SMYD3: variants seen among roughly 807,000 people sequenced by gnomAD.
The protein encoded by SMYD3 is SET and MYND domain containing 3, also known as histone-lysine N-methyltransferase SMYD3.
Under a neutral mutation model 57.7 loss-of-function variants are expected in SMYD3, and 36 were observed. The ratio of observed to expected loss-of-function variants is 0.62; its 90% CI spans 0.48 to 0.82. The LOEUF is 0.82. Ranked by LOEUF, SMYD3 falls within the 40% of genes least tolerant of loss-of-function variation. The pLI, the probability that SMYD3 is intolerant of heterozygous loss-of-function variation, is 0.00. For synonymous variants in SMYD3, 211 were observed against 195.0 expected (o/e 1.08, Z -0.68); for missense variants, 515 against 538.8 (o/e 0.96, Z 0.44).
intron 2 of SMYD3, among the ~76,000 whole-genome samples, chr1:246,348,844 A>G (rs1272677969): frequency 6.6e-6 from 1 of 152,204 alleles, no homozygotes; most frequent in Non-Finnish European, 1.5e-5. Flanking sequence ...CTATTATAGC[A>G]GCACAAAACA....
intron 1 of SMYD3, among the ~76,000 whole-genome samples, chr1:246,356,652 G>T (rs2065913539): frequency 6.6e-6 from 1 of 152,052 alleles, no homozygotes; most frequent in East Asian, 1.9e-4. Flanking sequence ...AAATGCACTG[G>T]AAAGTCTCAG....
intron 5 of SMYD3, among the ~76,000 whole-genome samples, chr1:245,998,382 T>C (rs1441379834): frequency 6.6e-6 from 1 of 152,236 alleles, no homozygotes; most frequent in Admixed American, 6.5e-5. Flanking sequence ...GTGACCTGAC[T>C]AGGGACTCAT....
intron 8 of SMYD3, among the ~76,000 whole-genome samples, chr1:245,879,610 TTCA>T (rs1219569002): frequency 6.6e-6 from 1 of 152,208 alleles, no homozygotes; most frequent in Admixed American, 6.5e-5. Flanking sequence ...GAAGTTATTC[TTCA>T]TCAGGAGAGA....
chr1:245,762,244 T>C (rs992699596), intron 11 of SMYD3, among the ~76,000 whole-genome samples: 3 of 152,200 alleles, frequency 2.0e-5, no homozygotes, highest in Admixed American at 6.5e-5. Context: ...GCCTGTCCCA[T>C]TGACCTCACA....
At position 246,271,841 on chromosome 1, in the gene SMYD3, C is replaced by T. The variant is rs1161823264; in HGVS notation, c.531+55360G>A. ...CCTTTTCTGCAAAAAAACATCATTG[C>T]GATTTTGATAGGGAACGCATTGAAT... On this transcript the variant is annotated intron_variant, in intron 5 of 11. Transcript: ENST00000490107. 3.3e-5 allele frequency among the ~76,000 whole-genome samples: 5 copies of T among 152,096 alleles called. No homozygotes were observed. In the East Asian group the frequency reaches 5.8e-4, roughly 18 times the overall value.
rs560397636 is a variant in SMYD3, at chr1:246,481,560, T to G, written c.164+25494A>C. Among the ~76,000 whole-genome samples the G allele has an allele frequency of 5.5e-5, 6 of 109,872 alleles. No individual in the cohort carries two copies. The South Asian group carries it at 1.9e-3, about 35-fold the overall frequency. 72.1% of individuals were successfully genotyped at this position (109,872 alleles called of 152,430 possible). ...ACTCCACTTTCCTGGGTCTCTAACTTGCAGAGAACGGATCATGGGACTTCT... is the reference window on the plus strand; with the variant it reads ...ACTCCACTTTCCTGGGTCTCTAACTGGCAGAGAACGGATCATGGGACTTCT... On this transcript the variant is annotated intron_variant, in intron 1 of 11. Transcript: ENST00000490107.
At chr1:246,449,162 G>A (rs1330210586) in intron 1 of SMYD3, among the ~76,000 whole-genome samples, 1 of 152,104 alleles carries the variant, frequency 6.6e-6, no homozygotes, top group Non-Finnish European at 1.5e-5. Flanking sequence ...AGCCTGGGAG[G>A]TCGAGACTGC....
intron 1 of SMYD3, among the ~76,000 whole-genome samples, chr1:246,409,101 A>G (rs1372029202): frequency 3.3e-5 from 5 of 152,116 alleles, no homozygotes; most frequent in Admixed American, 2.0e-4. Context: ...AGTAGGTTGC[A>G]AAAATTTTCT....
At chr1:246,501,866 C>T (rs1572063151) in intron 1 of SMYD3, among the ~76,000 whole-genome samples, 1 of 152,232 alleles carries the variant, frequency 6.6e-6, no homozygotes, top group Non-Finnish European at 1.5e-5. Context: ...ATTTATGCTT[C>T]TCTCCTAGAA....
Position 246,456,655 on chromosome 1 carries a change from A to G in SMYD3, c.164+50399T>C, listed in dbSNP as rs1008663302. On this transcript the variant is annotated intron_variant, in intron 1 of 11. Coordinates refer to ENST00000490107, the MANE Select transcript of SMYD3 (RefSeq NM_001167740.2). The stretch of plus-strand genomic sequence containing the variant: ...ATTTATTATAACTTATATTTTCCCC[A>G]TAAGACTGTTTCTTTGTCCTGCTTT... Among the ~76,000 whole-genome samples the G allele has an allele frequency of 3.9e-5, 6 of 152,220 alleles. No homozygotes were observed. In the East Asian group the frequency reaches 1.2e-3, roughly 29 times the overall value.
At chr1:246,158,573 T>A (rs975201912) in intron 5 of SMYD3, among the ~76,000 whole-genome samples, 4 of 152,240 alleles carry the variant, frequency 2.6e-5, no homozygotes, top group Non-Finnish European at 4.4e-5. Flanking sequence ...TACTCTTTTT[T>A]ATAAAACTAT....
chr1:246,425,236 CA>C (rs1410057503), intron 1 of SMYD3, among the ~76,000 whole-genome samples: 3 of 152,112 alleles, frequency 2.0e-5, no homozygotes, highest in Admixed American at 6.5e-5. Flanking sequence ...ACTTTTTCAA[CA>C]CACACCAGAA....
chr1:245,757,610 TAAGA>T lies in SMYD3; in HGVS notation c.1185+6427_1185+6430del, dbSNP rs369568199. On this transcript the variant is annotated intron_variant, in intron 11 of 11. Coordinates refer to ENST00000490107, the MANE Select transcript of SMYD3 (RefSeq NM_001167740.2). ...CATTTTGAGTTACTTTATATGGTGTTAAGAAAGGGTCTAACTTTATTCTTTTGCA... is the reference window on the plus strand; with the variant it reads ...CATTTTGAGTTACTTTATATGGTGTTAAGGGTCTAACTTTATTCTTTTGCA... 1.8e-4 allele frequency among the ~76,000 whole-genome samples: 28 copies of T among 152,266 alleles called. No individual in the cohort carries two copies. In the East Asian group the frequency reaches 4.0e-3, roughly 22 times the overall value.
rs114677027 is a variant in SMYD3 at position 245,966,615 on chromosome 1, G to T, written c.532-36678C>A. Among the ~76,000 whole-genome samples, 902 of 152,298 alleles carry T rather than the reference G, an allele frequency of 5.9e-3. 15 individuals are homozygous for T. Among genetic ancestry groups the T allele is most frequent in the African/African-American group, 0.02 (842 of 41,564 alleles). The stretch of plus-strand genomic sequence containing the variant: ...TTCCTTCTAATCTTTTCTACAGGCT[G>T]ATTTTTAAAAACATTACTTAATTCA... On this transcript the variant is annotated intron_variant, in intron 5 of 11. Transcript: ENST00000490107.
chr1:246,030,011 T>C (rs536850207), intron 5 of SMYD3, among the ~76,000 whole-genome samples: 10,867 of 149,960 alleles, frequency 0.072, 1,324 homozygotes, highest in African/African-American at 0.25. Context: ...TCTTTCTTTT[T>C]TTTTTTTTTT....
intron 11 of SMYD3, among the ~76,000 whole-genome samples, chr1:245,753,921 T>C (rs2045504156): frequency 6.6e-6 from 1 of 152,222 alleles, no homozygotes; most frequent in Non-Finnish European, 1.5e-5. Flanking sequence ...AGGCTGGTGT[T>C]GGGAAAAGCT....
At chr1:245,904,680 C>A (rs2054432894) in intron 8 of SMYD3, among the ~76,000 whole-genome samples, 1 of 152,122 alleles carries the variant, frequency 6.6e-6, no homozygotes. Context: ...ACGACTGCAA[C>A]TCGTAGGCAA....
Position 246,277,811 on chromosome 1 carries a change from A to G in SMYD3, c.531+49390T>C, listed in dbSNP as rs2064364604. Among the ~76,000 whole-genome samples the G allele has an allele frequency of 2.0e-5, 3 of 152,192 alleles. No individual in the cohort carries two copies. In the South Asian group the frequency reaches 6.2e-4, roughly 31 times the overall value. On this transcript the variant is annotated intron_variant, in intron 5 of 11. Transcript: ENST00000490107. The stretch of plus-strand genomic sequence containing the variant: ...CAGTTCCATTTCTTCAAAATTCAAA[A>G]CAGACAAAAGTCATCTATAGATACA...
chr1:246,447,761 G>T lies in SMYD3; in HGVS notation c.164+59293C>A, dbSNP rs138817313. Among the ~76,000 whole-genome samples, 105 of 152,186 alleles carry T rather than the reference G, an allele frequency of 6.9e-4. 1 individual carries two copies. The highest frequency in any genetic ancestry group is 2.2e-3 in the African/African-American group (90 of 41,526). ...TTAGAAGCAGCCCCATCTCCTCTGGGGAATTAATTGCCATGTAATCATCAC... is the reference window on the plus strand; with the variant it reads ...TTAGAAGCAGCCCCATCTCCTCTGGTGAATTAATTGCCATGTAATCATCAC... On this transcript the variant is annotated intron_variant, in intron 1 of 11. Transcript: ENST00000490107.
Sources: gnomAD v4.1 joint callset for allele counts (sites outside exome capture counted in the v4.1 genomes callset) on GRCh38, gnomAD v4.1.1 for gene constraint, MANE v1.5 for transcripts, NCBI Gene and HGNC (gene_info 2026-07-23, HGNC 2026-07-21) for gene names.